Variants in IGDCC4 observed in about 807,000 individuals in gnomAD.
IGDCC4 encodes the protein likely ortholog of mouse neighbor of Punc E11.
Under a neutral mutation model 116.6 loss-of-function variants are expected in IGDCC4, and 72 were observed. That is an observed-to-expected ratio of 0.62 (90% CI 0.51 to 0.75). The LOEUF is 0.75. Among genes scored for constraint, IGDCC4 ranks in the 30% least tolerant of loss-of-function variants. IGDCC4 has a pLI of 0.00. For synonymous variants in IGDCC4, 709 were observed against 719.9 expected (o/e 0.98, Z 0.24); for missense variants, 1,501 against 1,662.4 (o/e 0.90, Z 1.69).
chr15:65,411,616 A>C (rs2063095386), intron 1 of IGDCC4, among the ~76,000 whole-genome samples: 1 of 152,224 alleles, frequency 6.6e-6, no homozygotes, highest in Non-Finnish European at 1.5e-5. Flanking sequence ...GAAACAACCC[A>C]AAAGCCCATC....
At chr15:65,412,206 G>A (rs530819547) in intron 1 of IGDCC4, among the ~76,000 whole-genome samples, 1 of 151,992 alleles carries the variant, frequency 6.6e-6, no homozygotes, top group Non-Finnish European at 1.5e-5. Flanking sequence ...CTGGCAGAAC[G>A]AGACTCTGTG....
At chr15:65,410,130 C>A (rs779891064) in intron 3 of IGDCC4, 48 bp downstream of exon 3, 1 of 1,605,280 alleles carries the variant, frequency 6.2e-7, no homozygotes, top group South Asian at 1.1e-5. Context: ...CACCCCAGAG[C>A]CCTCTCTGCC....
intron 1 of IGDCC4, among the ~76,000 whole-genome samples, chr15:65,416,136 C>CTTTTTTT (rs60072640): frequency 2.1e-4 from 16 of 77,606 alleles, no homozygotes; most frequent in East Asian, 8.7e-4. Flanking sequence ...AATGTTTTGA[C>CTTTTTTT]TTTTTTTTTT....
At chr15:65,389,133 T>C in intron 14 of IGDCC4, 151 bp downstream of exon 14, 1 of 1,179,788 alleles carries the variant, frequency 8.5e-7, no homozygotes, top group African/African-American at 1.5e-5. Flanking sequence ...GTATGTGTGG[T>C]TGGAGGGACT....
At chr15:65,385,238 C>T in intron 18 of IGDCC4, 123 bp from the exon 19 acceptor site, 3 of 1,018,484 alleles carry the variant, frequency 2.9e-6, no homozygotes, top group Non-Finnish European at 4.2e-6. Context: ...ACCCGCTGCT[C>T]TCTCCCTCTC....
Position 65,383,957 on chromosome 15 carries a change from C to A in IGDCC4, c.*52G>T. On this transcript the variant is annotated 3_prime_UTR_variant, in exon 20 of 20. Coordinates refer to ENST00000352385, the MANE Select transcript of IGDCC4 (RefSeq NM_020962.3). ...TGGACATACACGGCCACAGGTATCG[C>A]ATCCTATGTGATCCATACCTGCCTG... is the stretch of plus-strand genomic sequence containing the variant. 1 of 1,471,252 alleles carries A rather than the reference C, an allele frequency of 6.8e-7. No individual in the cohort carries two copies. Among genetic ancestry groups the A allele is most frequent in the Non-Finnish European group, 9.1e-7 (1 of 1,096,158 alleles). The allele number at this position is 1,471,252 out of a possible 1,614,324, so 91.1% of individuals were successfully genotyped here.
intron 1 of IGDCC4, among the ~76,000 whole-genome samples, chr15:65,412,678 C>T (rs2063107779): frequency 6.6e-6 from 1 of 152,066 alleles, no homozygotes; most frequent in Admixed American, 6.5e-5. Flanking sequence ...GTAATCCCAA[C>T]ACTTTGTGAG....
At chr15:65,403,753 A>G (rs2063013860) in intron 3 of IGDCC4, among the ~76,000 whole-genome samples, 1 of 152,184 alleles carries the variant, frequency 6.6e-6, no homozygotes, top group African/African-American at 2.4e-5. Context: ...CACGTATGTT[A>G]CTTAGAAGGG....
intron 2 of IGDCC4, chr15:65,410,647 G>C (rs773552129): frequency 2.2e-6 from 1 of 463,142 alleles, no homozygotes; most frequent in African/African-American, 2.0e-5. Flanking sequence ...AGGCTGGAGC[G>C]TGGGGTTTGG....
chr15:65,410,263 C>G lies in IGDCC4; in HGVS notation c.478G>C (p.Ala160Pro). ...ESQTVEENGT[A>P]RFECHIEGLP... Reference sequence around the variant, plus strand: ...CCTTCAATGTGGCACTCAAAGCGAGCTGTCCCGTTCTCCTCCACCGTCTGA... The same window carrying G: ...CCTTCAATGTGGCACTCAAAGCGAGGTGTCCCGTTCTCCTCCACCGTCTGA... The change falls in exon 3 of 20, where the codon GCT becomes CCT. Residue 160 changes from alanine (A) to proline (P), a missense_variant. Around this residue, in one of 3 missense-constraint regions of IGDCC4, gnomAD observed 898 missense variants for 978.9 expected, o/e 0.92. Coordinates refer to ENST00000352385, the MANE Select transcript of IGDCC4 (RefSeq NM_020962.3). 1 of 1,614,000 alleles carries G rather than the reference C, an allele frequency of 6.2e-7. No homozygotes were observed. Among genetic ancestry groups the G allele is most frequent in the Non-Finnish European group, 8.5e-7 (1 of 1,180,018 alleles).
rs560857601 is a variant in IGDCC4, at chr15:65,400,997, G to C, written c.701-51C>G. On this transcript the variant is annotated intron_variant, in intron 4 of 19. Transcript: ENST00000352385. ...AGCCTTACCATTAGGCATTTGCCAT[G>C]CGATACCTCACCTGAGTCTCACAGT... is the stretch of plus-strand genomic sequence containing the variant. 2.5e-6 allele frequency: 4 copies of C among 1,611,168 alleles called. No homozygotes were observed. The East Asian group carries it at 8.9e-5, about 36-fold the overall frequency.
chr15:65,385,395 C>T (rs2091446102), intron 18 of IGDCC4: 6 of 541,094 alleles, frequency 1.1e-5, no homozygotes, highest in Non-Finnish European at 1.6e-5. Context: ...GAGGACGGGT[C>T]GGAGTTGGGT....
At chr15:65,416,986 G>A (rs1402159719) in intron 1 of IGDCC4, among the ~76,000 whole-genome samples, 2 of 151,864 alleles carry the variant, frequency 1.3e-5, no homozygotes, top group East Asian at 1.9e-4. Context: ...GAATTCTTAG[G>A]GAAGGGGCGT....
intron 1 of IGDCC4, among the ~76,000 whole-genome samples, chr15:65,416,429 G>A (rs998075091): frequency 6.6e-6 from 1 of 152,094 alleles, no homozygotes; most frequent in Non-Finnish European, 1.5e-5. Flanking sequence ...GAGCCACCGC[G>A]CCCGGCCAAA....
At chr15:65,406,846 A>G (rs1213071591) in intron 3 of IGDCC4, among the ~76,000 whole-genome samples, 1 of 152,130 alleles carries the variant, frequency 6.6e-6, no homozygotes, top group Admixed American at 6.6e-5. Context: ...TTGTGGCTTC[A>G]CGGGATGACG....
Position 65,396,826 on chromosome 15 carries a change from C to A in IGDCC4, c.997+8G>T. 2 of 1,561,058 alleles carry A rather than the reference C, an allele frequency of 1.3e-6. No individual in the cohort carries two copies. Among genetic ancestry groups the A allele is most frequent in the Non-Finnish European group, 1.7e-6 (2 of 1,152,492 alleles). ...AACCCGCTCCCTCCGCCCTTCGGCCCGCCTCACCCAGCACACGGAGCTCAG... is the reference window on the plus strand; with the variant it reads ...AACCCGCTCCCTCCGCCCTTCGGCCAGCCTCACCCAGCACACGGAGCTCAG... On this transcript the variant is annotated splice_region_variant and intron_variant, in intron 6 of 19. Transcript: ENST00000352385.
chr15:65,392,989 A>G (rs2062881728), intron 10 of IGDCC4, among the ~76,000 whole-genome samples: 1 of 152,328 alleles, frequency 6.6e-6, no homozygotes, highest in Non-Finnish European at 1.5e-5. Flanking sequence ...TTTGGTCAGC[A>G]TTTAATCACT....
At chr15:65,406,129 T>C (rs565185939) in intron 3 of IGDCC4, among the ~76,000 whole-genome samples, 4 of 152,384 alleles carry the variant, frequency 2.6e-5, no homozygotes, top group African/African-American at 9.6e-5. Context: ...TGAATGGCGA[T>C]AACAAAATGA....
chr15:65,393,896 G>A lies in IGDCC4; in HGVS notation c.1715-365C>T, dbSNP rs2062893295. Among the ~76,000 whole-genome samples the A allele has an allele frequency of 6.6e-6, 1 of 152,196 alleles. No homozygotes were observed. The highest frequency in any genetic ancestry group is 6.5e-5 in the Admixed American group (1 of 15,282). ...AAGAACGCCTGGCTTCCAGAGCCCTGAGGGCCACCATGGCCACTTCCTCAC... is the reference window on the plus strand; with the variant it reads ...AAGAACGCCTGGCTTCCAGAGCCCTAAGGGCCACCATGGCCACTTCCTCAC... On this transcript the variant is annotated intron_variant, in intron 9 of 19. Transcript: ENST00000352385. The surrounding 1 kb of genome is among the most constrained non-coding windows in gnomAD (Gnocchi z 4.6).
Sources: allele counts gnomAD v4.1 joint callset (sites outside exome capture counted in the v4.1 genomes callset), GRCh38; gene constraint gnomAD v4.1.1; regional missense constraint gnomAD v4.1.1; non-coding constraint Gnocchi (gnomAD v3.1); transcripts MANE v1.5; gene names NCBI Gene and HGNC (gene_info 2026-07-23, HGNC 2026-07-21).